The following MTM1 variants were observed in gnomAD, a reference collection of about 807,000 sequenced individuals.
MTM1 encodes myotubularin 1, also known as myotubularin.
Under a neutral mutation model 52.1 loss-of-function variants are expected in MTM1, and 9 were observed. The observed-to-expected ratio is 0.17, with a 90% CI of 0.10 to 0.30. The LOEUF (loss-of-function observed/expected upper bound fraction) is 0.30. Among genes scored for constraint, MTM1 ranks in the 10% least tolerant of loss-of-function variants. MTM1 has a pLI of 1.00. For missense variants in MTM1, 277 were observed against 470.7 expected, an observed-to-expected ratio of 0.59 and a Z score of 3.81; for synonymous variants, 136 against 163.8, an observed-to-expected ratio of 0.83 and a Z score of 1.29.
At chrX:150,582,213 A>G (rs2038598241) in intron 1 of MTM1, among the ~76,000 whole-genome samples, 1 of 111,257 alleles carries the variant, frequency 9.0e-6, no homozygotes, top group Non-Finnish European at 1.9e-5. Context: ...ACAAGATTTA[A>G]ATAATGATAT....
chrX:150,647,194 A>AATATATATAT (rs59931479), intron 9 of MTM1, among the ~76,000 whole-genome samples: 1,339 of 83,723 alleles, frequency 0.016, 29 homozygotes, highest in African/African-American at 0.035. Flanking sequence ...TTTCAGGGTG[A>AATATATATAT]ATATATATAT....
At chrX:150,591,074 T>G in intron 1 of MTM1, 3 of 721,415 alleles carry the variant, frequency 4.2e-6, no homozygotes, top group Non-Finnish European at 4.9e-6. Context: ...TATTTTACGA[T>G]TTTGTCTGAA....
At chrX:150,581,498 T>G (rs183853891) in intron 1 of MTM1, among the ~76,000 whole-genome samples, 22 of 112,026 alleles carry the variant, frequency 2.0e-4, no homozygotes, top group Admixed American at 1.6e-3. Flanking sequence ...AATCAAGGGT[T>G]GTGCTGTTTC....
chrX:150,645,651 T>C (rs1380132586), intron 8 of MTM1, 32 bp from the exon 9 acceptor site: 1 of 1,189,308 alleles, frequency 8.4e-7, no homozygotes, highest in East Asian at 3.0e-5. Context: ...ATTTGCTTTC[T>C]TGATAGCTTA....
chrX:150,656,742 A>G (rs2040121948), intron 10 of MTM1, among the ~76,000 whole-genome samples: 1 of 111,822 alleles, frequency 8.9e-6, no homozygotes, highest in African/African-American at 3.3e-5. Context: ...ACAAAGGGCT[A>G]TATCCAGAAT....
At chrX:150,616,074 A>T (rs782576803) in intron 5 of MTM1, among the ~76,000 whole-genome samples, 6 of 111,539 alleles carry the variant, frequency 5.4e-5, no homozygotes, top group Non-Finnish European at 1.1e-4. Flanking sequence ...TACAGGGTTT[A>T]AAAAAACCTA....
rs781973962 is a variant in MTM1 at position 150,590,346 on chromosome X, G to A, written c.-10-2259G>A. Among the ~76,000 whole-genome samples the A allele has an allele frequency of 3.6e-5, 4 of 112,195 alleles. No individual in the cohort carries two copies. The East Asian group carries it at 1.1e-3, about 31-fold the overall frequency. ...TGTTCCTCTAAAAATTAGAGCTTTA[G>A]ACATAAAGACTGCATATTGTTCGGT... On this transcript the variant is annotated intron_variant, in intron 1 of 14. Coordinates refer to ENST00000370396, the MANE Select transcript of MTM1 (RefSeq NM_000252.3).
chrX:150,641,185 G>A, intron 7 of MTM1, 84 bp from the exon 8 acceptor site: 1 of 1,067,541 alleles, frequency 9.4e-7, no homozygotes, highest in South Asian at 1.9e-5. Flanking sequence ...TGCACATATT[G>A]CTAGAAGGAA....
chrX:150,586,975 T>TG (rs2038800653), intron 1 of MTM1, among the ~76,000 whole-genome samples: 1 of 108,428 alleles, frequency 9.2e-6, no homozygotes, highest in African/African-American at 3.4e-5. Context: ...TATTTGAGCA[T>TG]CTTTGTTATG....
intron 1 of MTM1, among the ~76,000 whole-genome samples, chrX:150,582,005 T>G (rs1438074065): frequency 1.8e-5 from 2 of 112,193 alleles, no homozygotes; most frequent in African/African-American, 6.5e-5. Context: ...TGTTATTGTC[T>G]TTATTACTAT....
At chrX:150,602,515 G>T (rs2039084679) in intron 4 of MTM1, among the ~76,000 whole-genome samples, 1 of 112,361 alleles carries the variant, frequency 8.9e-6, no homozygotes, top group Admixed American at 9.4e-5. Context: ...TGTTAGTGCT[G>T]CTCAGAGGGC....
intron 6 of MTM1, among the ~76,000 whole-genome samples, chrX:150,625,523 C>T (rs1250560745): frequency 7.1e-5 from 8 of 111,930 alleles, no homozygotes; most frequent in African/African-American, 2.6e-4. Context: ...AAAGTCAGAG[C>T]ATAATATCCA....
intron 1 of MTM1, among the ~76,000 whole-genome samples, chrX:150,579,017 C>CTCTATCTATCTATCTA (rs59889586): frequency 3.0e-3 from 290 of 98,188 alleles, no homozygotes; most frequent in African/African-American, 4.5e-3. Context: ...ATCTATATAT[C>CTCTATCTATCTATCTA]TCTATCTATC....
intron 2 of MTM1, among the ~76,000 whole-genome samples, chrX:150,594,006 T>C (rs1309162193): frequency 9.0e-6 from 1 of 111,291 alleles, no homozygotes; most frequent in Non-Finnish European, 1.9e-5. Context: ...AGTTTGCATT[T>C]CTCTTGTGAA....
chrX:150,583,620 TA>T (rs2038689781), intron 1 of MTM1, among the ~76,000 whole-genome samples: 1 of 35,238 alleles, frequency 2.8e-5, no homozygotes, highest in African/African-American at 1.3e-4. Flanking sequence ...TTATATATAT[TA>T]TATATAATTT....
In MTM1 at chrX:150,659,773, A is replaced by G; in HGVS notation, c.1353+17A>G. On this transcript the variant is annotated intron_variant, in intron 12 of 14. Coordinates refer to ENST00000370396, the MANE Select transcript of MTM1 (RefSeq NM_000252.3). ...TCAAAACAGGTAAGGAATATGAGGGATGAAAATACATTCAACTCATTGTTT... is the reference window on the plus strand; with the variant it reads ...TCAAAACAGGTAAGGAATATGAGGGGTGAAAATACATTCAACTCATTGTTT... 3.7e-6 allele frequency: 4 copies of G among 1,094,854 alleles called. No homozygotes were observed. The highest frequency in any genetic ancestry group is 5.1e-6 in the Non-Finnish European group (4 of 788,903). The allele number at this position is 1,094,854 out of a possible 1,213,427, so 90.2% of individuals were successfully genotyped here.
chrX:150,630,872 C>T (rs1242835403), intron 6 of MTM1, among the ~76,000 whole-genome samples: 1 of 111,864 alleles, frequency 8.9e-6, no homozygotes, highest in Non-Finnish European at 1.9e-5. Context: ...ACAAAACCAG[C>T]AAAGAGAAAA....
At chrX:150,571,189 C>T (rs1557411447) in intron 1 of MTM1, among the ~76,000 whole-genome samples, 1 of 112,137 alleles carries the variant, frequency 8.9e-6, no homozygotes, top group Non-Finnish European at 1.9e-5. Flanking sequence ...AAAGTTTATT[C>T]GATTTTGTAA....
rs1446945874 is a variant in MTM1 at position 150,672,768 on chromosome X, G to A, written c.*1173G>A. The stretch of plus-strand genomic sequence containing the variant: ...AGTATATTTGTAAAAGCTAAGGCTC[G>A]AGTTAAAACAATGAAGTGTTTTACA... On this transcript the variant is annotated 3_prime_UTR_variant, in exon 15 of 15. Coordinates refer to ENST00000370396, the MANE Select transcript of MTM1 (RefSeq NM_000252.3). The A allele has an allele frequency of 8.9e-6, 1 of 112,016 alleles. No individual in the cohort carries two copies. The highest frequency in any genetic ancestry group is 3.2e-5 in the African/African-American group (1 of 30,901). The allele number at this position is 112,016 out of a possible 1,213,427, so 9.2% of individuals were successfully genotyped here. A position where few individuals can be genotyped will look rare whatever the true frequency, so the allele number is the denominator to read the frequency against.
Sources: allele counts gnomAD v4.1 joint callset (sites outside exome capture counted in the v4.1 genomes callset), GRCh38; gene constraint gnomAD v4.1.1; transcripts MANE v1.5; gene names NCBI Gene and HGNC (gene_info 2026-07-23, HGNC 2026-07-21).